The following MYO7B variants were observed in gnomAD, a reference collection of about 807,000 sequenced individuals.
MYO7B encodes unconventional myosin-VIIb.
In MYO7B, 212 loss-of-function variants were observed where a neutral mutation model predicts 259.7. That is an observed-to-expected ratio of 0.82 (90% confidence interval 0.73 to 0.91). The LOEUF (loss-of-function observed/expected upper bound fraction) is 0.91, where lower values mean the gene tolerates loss of function less well. Among genes scored for constraint, MYO7B ranks in the 40% least tolerant of loss-of-function variants. The probability of loss-of-function intolerance (pLI) is 0.00; values close to 1 mark genes in which losing one functional copy is unlikely to be tolerated. For synonymous variants in MYO7B, 1,197 were observed against 1,166.4 expected (o/e 1.03, Z -0.54); for missense variants, 2,732 against 2,813.5 (o/e 0.97, Z 0.66).
intron 2 of MYO7B, among the ~76,000 whole-genome samples, chr2:127,560,387 T>G (rs915374558): frequency 1.3e-5 from 2 of 152,032 alleles, no homozygotes; most frequent in African/African-American, 4.8e-5. Flanking sequence ...AACAGGGAAC[T>G]GGGGAACTGT....
intron 39 of MYO7B, 28 bp from the exon 40 acceptor site, chr2:127,633,227 TGGC>T: frequency 6.5e-7 from 1 of 1,539,024 alleles, no homozygotes; most frequent in Non-Finnish European, 8.9e-7. Context: ...AGGGTGGGGG[TGGC>T]ACCTGCAGCA....
chr2:127,543,411 G>A (rs1031992339), intron 1 of MYO7B, among the ~76,000 whole-genome samples: 1 of 152,134 alleles, frequency 6.6e-6, no homozygotes, highest in African/African-American at 2.4e-5. Flanking sequence ...GCGAGCACAG[G>A]GTTGGGGCTA....
chr2:127,626,910 GCACTAGGTGAGGGATT>G (rs1395128153), intron 31 of MYO7B, 49 bp from the exon 32 acceptor site: 1 of 1,402,550 alleles, frequency 7.1e-7, no homozygotes, highest in Non-Finnish European at 9.8e-7. Flanking sequence ...TTTACCCTGA[GCACTAGGTGAGGGATT>G]CACTAGGGAA....
Position 127,610,035 on chromosome 2 carries a change from C to T in MYO7B, c.3192+19C>T, listed in dbSNP as rs756058037. ...TGCACAGGCAAGTGGGGGGCAGCAG[C>T]GGGCAGAGGAGGGCGACACCTACCA... On this transcript the variant is annotated intron_variant, in intron 24 of 47. Coordinates refer to ENST00000409816, the MANE Select transcript of MYO7B (RefSeq NM_001393586.1). 5.1e-5 allele frequency: 82 copies of T among 1,605,762 alleles called. No homozygotes were observed. The highest frequency in any genetic ancestry group is 6.4e-5 in the Non-Finnish European group (75 of 1,177,352).
chr2:127,593,048 C>G (rs754650952), intron 17 of MYO7B, 102 bp downstream of exon 17: 40 of 1,427,264 alleles, frequency 2.8e-5, no homozygotes, highest in Non-Finnish European at 3.7e-5. Context: ...CGCTGCCCTC[C>G]CCGGCCCCAG....
At chr2:127,556,227 G>A (rs768489587) in intron 1 of MYO7B, among the ~76,000 whole-genome samples, 1 of 152,042 alleles carries the variant, frequency 6.6e-6, no homozygotes, top group African/African-American at 2.4e-5. Flanking sequence ...TCCTACTCAC[G>A]TTTGGTGTCC....
intron 1 of MYO7B, among the ~76,000 whole-genome samples, chr2:127,540,661 A>G (rs1394656260): frequency 6.6e-6 from 1 of 152,166 alleles, no homozygotes; most frequent in African/African-American, 2.4e-5. Flanking sequence ...GCTCTATCTC[A>G]TGAAGTGGGG....
Position 127,584,681 on chromosome 2 carries a change from C to A in MYO7B, c.1555-97C>A. The A allele has an allele frequency of 7.0e-7, 1 of 1,435,744 alleles. No homozygotes were observed. The highest frequency in any genetic ancestry group is 9.6e-7 in the Non-Finnish European group (1 of 1,045,252). 88.9% of individuals were successfully genotyped at this position (1,435,744 alleles called of 1,614,324 possible). ...TACAAAGGCCCTCAATCATTCTGAG[C>A]CCAGATCTCTTTGCCTCCATGAGGA... On this transcript the variant is annotated intron_variant, in intron 13 of 47. Transcript: ENST00000409816. This position sits in a 1 kb window ranked among gnomAD's most constrained non-coding sequence, Gnocchi z 5.8.
rs773856151 is a variant in MYO7B at position 127,539,923 on chromosome 2, A to G, written c.-24+4092A>G. Among the ~76,000 whole-genome samples the G allele has an allele frequency of 6.6e-6, 1 of 152,226 alleles. No homozygotes were observed. The highest frequency in any genetic ancestry group is 1.5e-5 in the Non-Finnish European group (1 of 68,044). ...TTAGCTCCCATTTATAAGTGAGAAC[A>G]TACGATATTTGGTTTTCCATTTCTG... On this transcript the variant is annotated intron_variant, in intron 1 of 47. Coordinates refer to ENST00000409816, the MANE Select transcript of MYO7B (RefSeq NM_001393586.1). The surrounding 1 kb of genome is among the most constrained non-coding windows in gnomAD (Gnocchi z 4.0).
intron 2 of MYO7B, among the ~76,000 whole-genome samples, chr2:127,560,613 C>T (rs1329523291): frequency 2.0e-5 from 3 of 152,172 alleles, no homozygotes; most frequent in Admixed American, 6.5e-5. Flanking sequence ...AGCCTGGCGG[C>T]GGGGAGTGCA....
chr2:127,607,945 C>T lies in MYO7B; in HGVS notation c.2643+521C>T, dbSNP rs141490042. Among the ~76,000 whole-genome samples, 4 of 152,262 alleles carry T rather than the reference C, an allele frequency of 2.6e-5. No individual in the cohort carries two copies. The highest frequency in any genetic ancestry group is 9.6e-5 in the African/African-American group (4 of 41,554). On this transcript the variant is annotated intron_variant, in intron 21 of 47. Transcript: ENST00000409816. This position sits in a 1 kb window ranked among gnomAD's most constrained non-coding sequence, Gnocchi z 4.4. ...GTTCCATGGAAGAGAGCAAAGTGTC[C>T]TGGTTACTGGGCTGTGTATGACAGC...
intron 11 of MYO7B, 65 bp downstream of exon 11, chr2:127,582,075 G>T: frequency 6.2e-7 from 1 of 1,606,432 alleles, no homozygotes; most frequent in South Asian, 1.1e-5. Flanking sequence ...TTCTTGCTGT[G>T]CCGGTGGAGG....
Position 127,582,363 on chromosome 2 carries a change from A to T in MYO7B, c.1260A>T (p.Thr420=). 6.2e-7 allele frequency: 1 copy of T among 1,613,422 alleles called. No individual in the cohort carries two copies. The highest frequency in any genetic ancestry group is 8.5e-7 in the Non-Finnish European group (1 of 1,179,712). The stretch of plus-strand genomic sequence containing the variant: ...AGAAGATCAATGCCGCCATCTTCAC[A>T]CCACCAGCCCAGGACCCCAAAAATG... ...IVKKINAAIF[T]PPAQDPKNVR... The change falls in exon 12 of 48, where the codon ACA becomes ACT. Residue 420 remains threonine, a synonymous_variant. Coordinates refer to ENST00000409816, the MANE Select transcript of MYO7B (RefSeq NM_001393586.1).
chr2:127,584,279 C>T lies in MYO7B; in HGVS notation c.1501C>T (p.Leu501Phe), dbSNP rs750042315. 1.2e-6 allele frequency: 2 copies of T among 1,613,916 alleles called. No homozygotes were observed. The change falls in exon 13 of 48, where the codon CTC becomes TTC. Residue 501 changes from leucine to phenylalanine, a missense_variant. Coordinates refer to ENST00000409816, the MANE Select transcript of MYO7B (RefSeq NM_001393586.1). The surrounding 1 kb of genome is among the most constrained non-coding windows in gnomAD (Gnocchi z 5.8). ...TCGGCCCACCCTGGACCTGCTGGCC[C>T]TCAAGCCCATGAGCATCATCTCCCT... ...DNRPTLDLLA[L>F]KPMSIISLLD...
Position 127,559,631 on chromosome 2 carries a change from T to C in MYO7B, c.-23-69T>C, listed in dbSNP as rs1016296819. On this transcript the variant is annotated intron_variant, in intron 1 of 47. Coordinates refer to ENST00000409816, the MANE Select transcript of MYO7B (RefSeq NM_001393586.1). The surrounding 1 kb of genome is among the most constrained non-coding windows in gnomAD (Gnocchi z 4.1). ...GGAAGTGTTGGTGAACAAGCCCAGC[T>C]CCTGTGCTCCAGGGGCTCCTATTGG... The C allele has an allele frequency of 9.0e-6, 13 of 1,452,388 alleles. No individual in the cohort carries two copies. In the African/African-American group the frequency reaches 1.8e-4, roughly 20 times the overall value. 90.0% of individuals were successfully genotyped at this position (1,452,388 alleles called of 1,614,324 possible).
intron 30 of MYO7B, 114 bp from the exon 31 acceptor site, chr2:127,625,254 A>C: frequency 7.9e-7 from 1 of 1,265,000 alleles, no homozygotes. Flanking sequence ...CCCGAGCCAC[A>C]GGTTAGCTCC....
Position 127,630,803 on chromosome 2 carries a change from A to G in MYO7B, c.4832A>G (p.Lys1611Arg). The change falls in exon 36 of 48, where the codon AAG becomes AGG. Residue 1611 changes from lysine (K) to arginine (R), a missense_variant. By Grantham distance (26) the Lys-to-Arg change is conservative. Coordinates refer to ENST00000409816, the MANE Select transcript of MYO7B (RefSeq NM_001393586.1). ...LLSLLAMSPE[K>R]RKLAAQEGQF... ...AGCTTGCTTGCCATGTCACCAGAGA[A>G]GAGGAAGCTGGCGGCTCAGGAGGGG... 2 of 1,613,074 alleles carry G rather than the reference A, an allele frequency of 1.2e-6. No individual in the cohort carries two copies. The highest frequency in any genetic ancestry group is 1.7e-6 in the Non-Finnish European group (2 of 1,179,794).
chr2:127,620,279 C>T, intron 26 of MYO7B, 61 bp from the exon 27 acceptor site: 2 of 1,552,572 alleles, frequency 1.3e-6, no homozygotes, highest in Non-Finnish European at 8.8e-7. Flanking sequence ...TGCCCAGGTA[C>T]CCCTGTCTCC....
At position 127,609,351 on chromosome 2, in the gene MYO7B, G is replaced by A. The variant is rs978191003; in HGVS notation, c.2815-155G>A. On this transcript the variant is annotated intron_variant, in intron 22 of 47. Coordinates refer to ENST00000409816, the MANE Select transcript of MYO7B (RefSeq NM_001393586.1). The surrounding 1 kb of genome is among the most constrained non-coding windows in gnomAD (Gnocchi z 6.9). ...TGTGCTGGCACACGGCAGCCCACCT[G>A]AGCCCACTGAATGTGGGGATGGGTG... Among the ~76,000 whole-genome samples, 19 of 152,158 alleles carry A rather than the reference G, an allele frequency of 1.2e-4. No individual in the cohort carries two copies. The highest frequency in any genetic ancestry group is 3.6e-4 in the African/African-American group (15 of 41,428).
Sources: allele counts gnomAD v4.1 joint callset (sites outside exome capture counted in the v4.1 genomes callset), GRCh38; gene constraint gnomAD v4.1.1; non-coding constraint Gnocchi (gnomAD v3.1); transcripts MANE v1.5; gene names NCBI Gene and HGNC (gene_info 2026-07-23, HGNC 2026-07-21).